Variants in PLCB4 observed in about 807,000 individuals in gnomAD.
PLCB4 encodes the protein phospholipase C beta 4, also known as 1-phosphatidylinositol 4,5-bisphosphate phosphodiesterase beta-4.
A neutral mutation model predicts 178.8 loss-of-function variants in PLCB4; 77 were observed. The observed-to-expected ratio is 0.43, with a 90% CI of 0.36 to 0.52. PLCB4 has a LOEUF of 0.52. Ranked by LOEUF, PLCB4 falls within the 20% of genes least tolerant of loss-of-function variation. The probability of loss-of-function intolerance (pLI) is 0.00; values close to 1 mark genes in which losing one functional copy is unlikely to be tolerated. For synonymous variants in PLCB4, 496 were observed against 490.8 expected, an observed-to-expected ratio of 1.01 and a Z score of -0.14; for missense variants, 1,024 against 1,453.4, an observed-to-expected ratio of 0.70 and a Z score of 4.80.
chr20:9,194,788 C>T (rs1363486774), intron 2 of PLCB4, among the ~76,000 whole-genome samples: 1 of 150,428 alleles, frequency 6.6e-6, no homozygotes, highest in Non-Finnish European at 1.5e-5. Flanking sequence ...ATAAATCATT[C>T]TAATAATATT....
chr20:9,416,939 A>G (rs1187002776), intron 25 of PLCB4, among the ~76,000 whole-genome samples: 1 of 152,180 alleles, frequency 6.6e-6, no homozygotes, highest in Non-Finnish European at 1.5e-5. Context: ...CAAAACTAAG[A>G]AAAGTGACAT....
intron 3 of PLCB4, among the ~76,000 whole-genome samples, chr20:9,224,187 C>A (rs966862793): frequency 6.6e-6 from 1 of 152,112 alleles, no homozygotes; most frequent in African/African-American, 2.4e-5. Flanking sequence ...ATATCATCTG[C>A]CTCAGGGACC....
chr20:9,473,959 C>T (rs972180380), intron 38 of PLCB4, among the ~76,000 whole-genome samples: 6 of 152,224 alleles, frequency 3.9e-5, no homozygotes, highest in African/African-American at 1.4e-4. Context: ...GGGCTCATGC[C>T]TGTAATCCCA....
At chr20:9,150,126 C>T (rs1451390363) in intron 2 of PLCB4, among the ~76,000 whole-genome samples, 1 of 152,192 alleles carries the variant, frequency 6.6e-6, no homozygotes, top group African/African-American at 2.4e-5. Flanking sequence ...GGCGTCACAT[C>T]ACAGTGTCCA....
intron 4 of PLCB4, among the ~76,000 whole-genome samples, chr20:9,332,892 C>G (rs1236951534): frequency 6.6e-6 from 1 of 152,190 alleles, no homozygotes; most frequent in East Asian, 1.9e-4. Flanking sequence ...TCAAACAGTG[C>G]TCCTGGTTCA....
chr20:9,203,055 AAATATAT>A (rs1399798516), intron 2 of PLCB4, among the ~76,000 whole-genome samples: 1 of 131,988 alleles, frequency 7.6e-6, no homozygotes, highest in African/African-American at 3.2e-5. Context: ...AAAAAAAAAA[AAATATAT>A]ATATATATAT....
intron 28 of PLCB4, among the ~76,000 whole-genome samples, chr20:9,428,478 G>A (rs1479513095): frequency 6.6e-6 from 1 of 152,262 alleles, no homozygotes; most frequent in Admixed American, 6.5e-5. Flanking sequence ...AAGGGGAGGG[G>A]GAGAACATGA....
rs568171738 is a variant in PLCB4 at position 9,165,494 on chromosome 20, T to A, written c.-78-51896T>A. On this transcript the variant is annotated intron_variant, in intron 2 of 39. Coordinates refer to ENST00000378473, the MANE Select transcript of PLCB4 (RefSeq NM_001377142.1). ...TCTGGAGTTTTTGGCATTTTCCAAA[T>A]CTTTCTCACAAAATACAATTCTCTC... is the stretch of plus-strand genomic sequence containing the variant. 8.5e-5 allele frequency among the ~76,000 whole-genome samples: 13 copies of A among 152,304 alleles called. No individual in the cohort carries two copies. The South Asian group carries it at 2.7e-3, about 32-fold the overall frequency.
chr20:9,306,156 G>A (rs1458555366), intron 3 of PLCB4, among the ~76,000 whole-genome samples: 4 of 152,104 alleles, frequency 2.6e-5, no homozygotes, highest in Admixed American at 2.0e-4. Flanking sequence ...CCAGGCTGGA[G>A]TGCAGTGATG....
chr20:9,379,291 C>T (rs940524510), intron 12 of PLCB4, among the ~76,000 whole-genome samples: 1 of 152,050 alleles, frequency 6.6e-6, no homozygotes, highest in African/African-American at 2.4e-5. Context: ...GATACCATTG[C>T]AGGGACAGCA....
chr20:9,246,373 C>A (rs1358988383), intron 3 of PLCB4, among the ~76,000 whole-genome samples: 1 of 152,078 alleles, frequency 6.6e-6, no homozygotes, highest in African/African-American at 2.4e-5. Context: ...TTGTTATAAC[C>A]GCCCTGTGAA....
chr20:9,124,416 G>A (rs2092057108), intron 2 of PLCB4, among the ~76,000 whole-genome samples: 1 of 152,160 alleles, frequency 6.6e-6, no homozygotes, highest in South Asian at 2.1e-4. Flanking sequence ...AGGATCCCTT[G>A]AGCCTGGGAG....
chr20:9,290,414 A>C (rs942767446), intron 3 of PLCB4, among the ~76,000 whole-genome samples: 7 of 152,156 alleles, frequency 4.6e-5, no homozygotes, highest in Non-Finnish European at 8.8e-5. Flanking sequence ...ATCGCTTCAC[A>C]TCCAACTCTC....
chr20:9,131,803 G>T (rs6140870), intron 2 of PLCB4, among the ~76,000 whole-genome samples: 2 of 151,934 alleles, frequency 1.3e-5, no homozygotes, highest in South Asian at 2.1e-4. Context: ...TTGGTTGATG[G>T]GACATTAGTA....
intron 3 of PLCB4, among the ~76,000 whole-genome samples, chr20:9,247,877 C>T (rs773083616): frequency 7.2e-5 from 11 of 152,144 alleles, no homozygotes; most frequent in African/African-American, 1.2e-4. Context: ...CCTCCATTTC[C>T]TCTCAATAGA....
chr20:9,460,153 C>G (rs2043300144), intron 35 of PLCB4, among the ~76,000 whole-genome samples: 2 of 152,202 alleles, frequency 1.3e-5, no homozygotes, highest in Non-Finnish European at 2.9e-5. Context: ...TGGCAAGATA[C>G]AACACCCATA....
chr20:9,322,415 C>T (rs1042044807), intron 4 of PLCB4, among the ~76,000 whole-genome samples: 1 of 152,130 alleles, frequency 6.6e-6, no homozygotes. Flanking sequence ...TAACAAGGAG[C>T]ATATAATTTA....
At position 9,409,852 on chromosome 20, in the gene PLCB4, A is replaced by C. The variant is rs2039730174; in HGVS notation, c.1999+671A>C. 3.9e-5 allele frequency among the ~76,000 whole-genome samples: 6 copies of C among 152,226 alleles called. No individual in the cohort carries two copies. In the South Asian group the frequency reaches 1.2e-3, roughly 31 times the overall value. On this transcript the variant is annotated intron_variant, in intron 24 of 39. Coordinates refer to ENST00000378473, the MANE Select transcript of PLCB4 (RefSeq NM_001377142.1). The stretch of plus-strand genomic sequence containing the variant: ...GGTTTGCTTAAGAGCCTAGGATCAC[A>C]GTATCAAGACTAGAGGTAGCAAAAT...
At chr20:9,094,425 T>C (rs2090816731) in intron 1 of PLCB4, among the ~76,000 whole-genome samples, 1 of 152,218 alleles carries the variant, frequency 6.6e-6, no homozygotes, top group African/African-American at 2.4e-5. Context: ...TCTTTTTTTT[T>C]GTTAGAAAGT....
Sources: gnomAD v4.1 joint callset for allele counts (sites outside exome capture counted in the v4.1 genomes callset) on GRCh38, gnomAD v4.1.1 for gene constraint, MANE v1.5 for transcripts, NCBI Gene and HGNC (gene_info 2026-07-23, HGNC 2026-07-21) for gene names.